Variants in BEND3 observed in about 807,000 individuals in gnomAD.
The protein encoded by BEND3 is BEN domain-containing protein 3.
In BEND3, 13 loss-of-function variants were observed where a neutral mutation model predicts 60.1. That is an observed-to-expected ratio of 0.22 (90% confidence interval 0.14 to 0.34). The LOEUF (loss-of-function observed/expected upper bound fraction) is 0.34. Ranked by LOEUF, BEND3 falls within the 10% of genes least tolerant of loss-of-function variation. BEND3 has a pLI of 1.00. For synonymous variants in BEND3, 497 were observed against 491.5 expected (o/e 1.01, Z -0.15); for missense variants, 896 against 1,138.1 (o/e 0.79, Z 3.06).
chr6:107,099,975 T>C (rs1775671434), intron 1 of BEND3, among the ~76,000 whole-genome samples: 1 of 151,958 alleles, frequency 6.6e-6, no homozygotes. Flanking sequence ...GCTCTAGCAA[T>C]CCTCCTGCCT....
At position 107,069,852 on chromosome 6, in the gene BEND3, G is replaced by A. The variant is rs147116683; in HGVS notation, c.1339C>T (p.Arg447Trp). The A allele has an allele frequency of 6.2e-6, 10 of 1,613,618 alleles. No individual in the cohort carries two copies. The highest frequency in any genetic ancestry group is 1.3e-5 in the African/African-American group (1 of 74,940). ...DGGKQELDPQRLQIIRNYTEI... is the reference protein window; with the variant it reads ...DGGKQELDPQWLQIIRNYTEI... ...GTGTAGTTGCGGATGATCTGCAGCC[G>A]CTGCGGGTCCAGCTCCTGCTTTCCA... is the stretch of plus-strand genomic sequence containing the variant. Residue 447 changes from arginine (R) to tryptophan (W), a missense_variant, in exon 4 of 4, where the codon CGG becomes TGG. By Grantham distance (101) the Arg-to-Trp change is moderately radical (BLOSUM62 -3). This residue lies in a region of BEND3 where 846 missense variants were observed against 1,036.7 expected (regional missense o/e 0.82). Transcript: ENST00000369042.
intron 3 of BEND3, among the ~76,000 whole-genome samples, chr6:107,086,241 A>T (rs377173345): frequency 6.6e-6 from 1 of 152,126 alleles, no homozygotes; most frequent in East Asian, 1.9e-4. Flanking sequence ...ACATCAGCCC[A>T]CTTGACTCAT....
intron 1 of BEND3, among the ~76,000 whole-genome samples, chr6:107,110,650 T>TCCC (rs1775922648): frequency 6.6e-6 from 1 of 152,068 alleles, no homozygotes; most frequent in African/African-American, 2.4e-5. Flanking sequence ...AGCCTCCTCC[T>TCCC]CCCAGGTTCA....
At chr6:107,112,856 G>GAA (rs1201523509) in intron 1 of BEND3, among the ~76,000 whole-genome samples, 22 of 80,132 alleles carry the variant, frequency 2.7e-4, no homozygotes, top group East Asian at 6.4e-4. Flanking sequence ...TCTGTCTCAA[G>GAA]AAAAAAAAAA....
chr6:107,095,215 A>G (rs1377097174), intron 3 of BEND3, among the ~76,000 whole-genome samples: 4 of 152,014 alleles, frequency 2.6e-5, no homozygotes, highest in Non-Finnish European at 5.9e-5. Context: ...TGCTGGGCAC[A>G]GTGGCTCATG....
intron 3 of BEND3, among the ~76,000 whole-genome samples, chr6:107,087,230 A>C (rs1468683101): frequency 2.0e-5 from 3 of 151,770 alleles, no homozygotes; most frequent in African/African-American, 7.3e-5. Context: ...GAGGCAGGAG[A>C]ATTGCTTGAA....
At chr6:107,089,576 ACT>A (rs1373029804) in intron 3 of BEND3, among the ~76,000 whole-genome samples, 1 of 138,384 alleles carries the variant, frequency 7.2e-6, no homozygotes, top group Non-Finnish European at 1.6e-5. Flanking sequence ...ACACAGCGAG[ACT>A]CTGTCTCGAA....
In BEND3 at chr6:107,095,281, G is replaced by T. The variant is rs1234739612; in HGVS notation, c.240+3270C>A. 3.3e-5 allele frequency among the ~76,000 whole-genome samples: 5 copies of T among 152,034 alleles called. No individual in the cohort carries two copies. The East Asian group carries it at 9.7e-4, about 29-fold the overall frequency. ...GCAAGAGGATCGCTTGAGGCCAGGA[G>T]GTCAAGAATAGCCTGGGCAACATAG... On this transcript the variant is annotated intron_variant, in intron 3 of 3. Transcript: ENST00000369042.
intron 1 of BEND3, among the ~76,000 whole-genome samples, chr6:107,106,871 G>A (rs1775826321): frequency 6.6e-6 from 1 of 151,660 alleles, no homozygotes. Context: ...GCCTCCCAAA[G>A]TGCTGGGATT....
At chr6:107,074,597 T>A (rs2114999938) in intron 3 of BEND3, among the ~76,000 whole-genome samples, 2 of 152,278 alleles carry the variant, frequency 1.3e-5, no homozygotes, top group African/African-American at 4.8e-5. Flanking sequence ...TGGAAGGCAC[T>A]TCTTAGAGGT....
chr6:107,071,358 C>T lies in BEND3; in HGVS notation c.241-408G>A, dbSNP rs570286922. Among the ~76,000 whole-genome samples, 4 of 152,110 alleles carry T rather than the reference C, an allele frequency of 2.6e-5. No homozygotes were observed. In the East Asian group the frequency reaches 5.8e-4, roughly 22 times the overall value. On this transcript the variant is annotated intron_variant, in intron 3 of 3. Transcript: ENST00000369042. ...CCACGGGCAGGTCACCCCATGGACC[C>T]GTGCCTTCGTCTGCTCTCAGGAAGG...
Position 107,070,232 on chromosome 6 carries a change from T to A in BEND3, c.959A>T (p.Asp320Val). 6.2e-7 allele frequency: 1 copy of A among 1,613,018 alleles called. No individual in the cohort carries two copies. The highest frequency in any genetic ancestry group is 8.5e-7 in the Non-Finnish European group (1 of 1,179,976). Residue 320 changes from aspartate (D) to valine (V), a missense_variant, in exon 4 of 4, where the codon GAC (aspartate) becomes GTC (valine). By Grantham distance (152) the Asp-to-Val change is radical. Transcript: ENST00000369042. The surrounding 1 kb of genome is among the most constrained non-coding windows in gnomAD (Gnocchi z 6.9). Reference sequence around the variant, plus strand: ...GCACTCGGCCTGCCACACAGCCGTGTCCTTCACCGAGGGGTAGTAGACCTC... The same window carrying A: ...GCACTCGGCCTGCCACACAGCCGTGACCTTCACCGAGGGGTAGTAGACCTC... The part of the protein sequence containing the change: ...YVEVYYPSVK[D>V]TAVWQAECLP...
chr6:107,084,768 G>A (rs1775306546), intron 3 of BEND3, among the ~76,000 whole-genome samples: 3 of 152,126 alleles, frequency 2.0e-5, no homozygotes, highest in South Asian at 4.1e-4. Flanking sequence ...CTGTAAAAAC[G>A]TACCAATCAG....
chr6:107,083,003 A>G (rs763867102), intron 3 of BEND3, among the ~76,000 whole-genome samples: 9 of 152,204 alleles, frequency 5.9e-5, no homozygotes, highest in Non-Finnish European at 8.8e-5. Flanking sequence ...ACCTACAGAA[A>G]CACTCATACA....
intron 3 of BEND3, among the ~76,000 whole-genome samples, chr6:107,092,776 G>A (rs534811515): frequency 1.7e-4 from 26 of 152,250 alleles, no homozygotes; most frequent in African/African-American, 4.1e-4. Context: ...TTATAGGAAG[G>A]TTGTAGTATA....
Position 107,070,107 on chromosome 6 carries a change from G to C in BEND3, c.1084C>G (p.Gln362Glu), listed in dbSNP as rs200923274. 6 of 1,613,360 alleles carry C rather than the reference G, an allele frequency of 3.7e-6. No individual in the cohort carries two copies. In the Admixed American group the frequency reaches 6.7e-5, roughly 18 times the overall value. The change falls in exon 4 of 4, where the codon CAG becomes GAG. Residue 362 changes from glutamine (Q) to glutamate (E), a missense_variant. Physicochemically the swap from Gln to Glu is conservative, Grantham distance 29. Coordinates refer to ENST00000369042, the MANE Select transcript of BEND3 (RefSeq NM_001367314.1). The surrounding 1 kb of genome is among the most constrained non-coding windows in gnomAD (Gnocchi z 6.9). ...TCCAGGAAGTGGCCGGGGTCCACCT[G>C]CTCTGCCTCAAAGAAGCTGGCGACC... ...GQVASFFEAE[Q>E]VDPGHFLDNK...
chr6:107,069,381 T>G lies in BEND3; in HGVS notation c.1810A>C (p.Lys604Gln). ...QYNCSGSLGK[K>Q]QLDPSRIKLI... ...TTGATGCGGGAGGGGTCCAGCTGCT[T>G]CTTGCCCAGGGAGCCGCTGCAGTTG... Residue 604 changes from lysine to glutamine, a missense_variant, in exon 4 of 4, where the codon AAG becomes CAG. By Grantham distance (53) the Lys-to-Gln change is moderately conservative (BLOSUM62 1). This residue lies in a region of BEND3 where 846 missense variants were observed against 1,036.7 expected (regional missense o/e 0.82). Transcript: ENST00000369042. 1 of 1,612,750 alleles carries G rather than the reference T, an allele frequency of 6.2e-7. No individual in the cohort carries two copies. Among genetic ancestry groups the G allele is most frequent in the Non-Finnish European group, 8.5e-7 (1 of 1,179,836 alleles).
At chr6:107,110,324 C>G (rs1554238195) in intron 1 of BEND3, among the ~76,000 whole-genome samples, 1 of 152,204 alleles carries the variant, frequency 6.6e-6, no homozygotes, top group East Asian at 1.9e-4. Flanking sequence ...CTGTTTAACA[C>G]TCTGAGGGCT....
chr6:107,113,615 G>A (rs1176408450), intron 1 of BEND3, among the ~76,000 whole-genome samples: 1 of 152,022 alleles, frequency 6.6e-6, no homozygotes, highest in Non-Finnish European at 1.5e-5. Context: ...CGCACTGAAC[G>A]CCTACTAAGT....
Sources: gnomAD v4.1 joint callset for allele counts (sites outside exome capture counted in the v4.1 genomes callset) on GRCh38, gnomAD v4.1.1 for gene constraint, gnomAD v4.1.1 regional missense constraint, Gnocchi (gnomAD v3.1) non-coding constraint, MANE v1.5 for transcripts, NCBI Gene and HGNC (gene_info 2026-07-23, HGNC 2026-07-21) for gene names.